Variants in TRIM5 observed in about 807,000 individuals in gnomAD.
The protein encoded by TRIM5 is tripartite motif-containing protein 5.
Under a neutral mutation model 35.6 loss-of-function variants are expected in TRIM5, and 31 were observed. The ratio of observed to expected loss-of-function variants is 0.87; its 90% CI spans 0.65 to 1.18. The LOEUF is 1.18. Ranked by LOEUF, TRIM5 falls within the 50% of genes most tolerant of loss-of-function variation. The pLI, the probability that TRIM5 is intolerant of heterozygous loss-of-function variation, is 0.00. For synonymous variants in TRIM5, 243 were observed against 215.6 expected (o/e 1.13, Z -1.11); for missense variants, 609 against 591.6 (o/e 1.03, Z -0.31).
chr11:5,613,503 C>T, the TRIM5 span, among the ~76,000 whole-genome samples: 1 of 152,144 alleles, frequency 6.6e-6, no homozygotes, highest in East Asian at 1.9e-4. Context: ...GATGCAAACT[C>T]CTTATCCTGG....
chr11:5,653,489 T>A, the TRIM5 span, among the ~76,000 whole-genome samples: 2 of 149,346 alleles, frequency 1.3e-5, no homozygotes, highest in African/African-American at 4.9e-5. Context: ...TTTTTTTTGT[T>A]TTTTTTGTTT....
At chr11:5,671,200 T>C (rs1046565988) in intron 4 of TRIM5, among the ~76,000 whole-genome samples, 4 of 151,886 alleles carry the variant, frequency 2.6e-5, no homozygotes, top group Non-Finnish European at 5.9e-5. Context: ...CATACTAGCA[T>C]GGGCAACAGA....
At chr11:5,597,106 T>C in the TRIM5 span, among the ~76,000 whole-genome samples, 6 of 152,302 alleles carry the variant, frequency 3.9e-5, no homozygotes, top group Admixed American at 1.3e-4. Context: ...AAATGTGTGG[T>C]TAGGAGCATA....
At chr11:5,632,190 G>C in the TRIM5 span, 3 of 1,517,938 alleles carry the variant, frequency 2.0e-6, no homozygotes, top group Non-Finnish European at 1.8e-6. Context: ...AGTCTTTATT[G>C]TCTGTGCAAT....
intron 4 of TRIM5, among the ~76,000 whole-genome samples, chr11:5,668,115 T>A (rs1851289661): frequency 1.3e-5 from 2 of 151,094 alleles, no homozygotes. Context: ...AAAAATAAAA[T>A]AAAAAAAAAT....
the TRIM5 span, among the ~76,000 whole-genome samples, chr11:5,625,578 CCCT>C: frequency 9.2e-5 from 14 of 152,110 alleles, no homozygotes; most frequent in Non-Finnish European, 1.2e-4. Context: ...TCTTTTGCTG[CCCT>C]CCTGGCAACC....
At chr11:5,658,743 A>C (rs886481778), downstream of TRIM5, among the ~76,000 whole-genome samples, 46 of 152,198 alleles carry the variant, frequency 3.0e-4, no homozygotes, top group African/African-American at 1.1e-3. Flanking sequence ...AGCATGATTT[A>C]TAATCCTTTG....
chr11:5,603,647 G>A, the TRIM5 span: 4 of 1,613,384 alleles, frequency 2.5e-6, no homozygotes, highest in Non-Finnish European at 3.4e-6. Flanking sequence ...CAGGAGGATG[G>A]GAAGGTCATT....
the TRIM5 span, chr11:5,632,522 C>T: frequency 1.2e-6 from 2 of 1,613,938 alleles, no homozygotes; most frequent in Admixed American, 1.7e-5. Context: ...ATCAGTTACT[C>T]ATTTGAACAT....
chr11:5,604,177 C>CGT, the TRIM5 span, among the ~76,000 whole-genome samples: 864 of 131,434 alleles, frequency 6.6e-3, 6 homozygotes, highest in African/African-American at 0.02. Context: ...TGTGTGTGTG[C>CGT]GTGTGTGTGT....
At chr11:5,601,985 A>G in the TRIM5 span, among the ~76,000 whole-genome samples, 3 of 152,072 alleles carry the variant, frequency 2.0e-5, no homozygotes, top group African/African-American at 7.2e-5. Flanking sequence ...GTAGAGGATG[A>G]GGGGGTTCTG....
At chr11:5,628,965 G>A in the TRIM5 span, among the ~76,000 whole-genome samples, 83 of 152,152 alleles carry the variant, frequency 5.5e-4, no homozygotes, top group African/African-American at 2.0e-3. Flanking sequence ...GTGTCTGTAT[G>A]TCTTCTCCTC....
the TRIM5 span, among the ~76,000 whole-genome samples, chr11:5,641,530 G>A: frequency 1.3e-5 from 2 of 152,056 alleles, no homozygotes; most frequent in Admixed American, 6.5e-5. Context: ...ATATGTGTTT[G>A]TCATACACAT....
At chr11:5,660,290 AAGC>A (rs1850770801), downstream of TRIM5, among the ~76,000 whole-genome samples, 1 of 152,128 alleles carries the variant, frequency 6.6e-6, no homozygotes, top group Non-Finnish European at 1.5e-5. Flanking sequence ...TTGTTTTTCA[AAGC>A]AGCAAGTACA....
the TRIM5 span, chr11:5,625,104 G>A: frequency 1.3e-5 from 2 of 152,182 alleles, no homozygotes; most frequent in African/African-American, 4.8e-5. Context: ...TGAGACTCCA[G>A]GAGAAAAGTT....
chr11:5,677,630 A>G (rs2134102973), intron 4 of TRIM5, among the ~76,000 whole-genome samples: 1 of 152,238 alleles, frequency 6.6e-6, no homozygotes, highest in East Asian at 1.9e-4. Flanking sequence ...CAATCGCCTG[A>G]CCTCATGACT....
At chr11:5,604,120 A>G in the TRIM5 span, among the ~76,000 whole-genome samples, 1 of 152,050 alleles carries the variant, frequency 6.6e-6, no homozygotes, top group Non-Finnish European at 1.5e-5. Flanking sequence ...CTGGCCTCCC[A>G]AGTAGCTAGG....
chr11:5,667,694 T>C lies in TRIM5; in HGVS notation c.762A>G (p.Ile254Met). The C allele has an allele frequency of 1.2e-6, 2 of 1,613,772 alleles. No homozygotes were observed. Among genetic ancestry groups the C allele is most frequent in the Admixed American group, 1.7e-5 (1 of 59,956 alleles). The change falls in exon 5 of 8, where the codon ATA becomes ATG. Residue 254 changes from isoleucine (I) to methionine (M), a missense_variant. Physicochemically the swap from Ile to Met is conservative, Grantham distance 10. Transcript: ENST00000380034. ...MELLQGVDGV[I>M]KRTENVTLKK... is the part of the protein sequence containing the mutation. Reference sequence around the variant, plus strand: ...CTCTGTCCTCCCACACATACCTTTTTATGACGCCATCCACACCCTAGGAAG... The same window carrying C: ...CTCTGTCCTCCCACACATACCTTTTCATGACGCCATCCACACCCTAGGAAG...
the TRIM5 span, among the ~76,000 whole-genome samples, chr11:5,654,877 G>T: frequency 6.6e-6 from 1 of 151,998 alleles, no homozygotes; most frequent in African/African-American, 2.4e-5. Context: ...CAGCATTTAT[G>T]TTGACTGCAA....
Sources: allele counts gnomAD v4.1 joint callset (sites outside exome capture counted in the v4.1 genomes callset), GRCh38; gene constraint gnomAD v4.1.1; transcripts MANE v1.5; gene names NCBI Gene and HGNC (gene_info 2026-07-23, HGNC 2026-07-21).